Variants in ABCC10 observed in about 807,000 individuals in gnomAD.
ABCC10 encodes ATP-binding cassette sub-family C member 10.
A neutral mutation model predicts 143.2 loss-of-function variants in ABCC10; 110 were observed. That is an observed-to-expected ratio of 0.77 (90% CI 0.66 to 0.90). The LOEUF (loss-of-function observed/expected upper bound fraction) is 0.90. Ranked by LOEUF, ABCC10 falls within the 40% of genes least tolerant of loss-of-function variation. ABCC10 has a pLI of 0.00. For missense variants in ABCC10, 1,700 were observed against 1,900.5 expected (o/e 0.89, Z 1.96); for synonymous variants, 805 against 846.7 (o/e 0.95, Z 0.85).
At position 43,449,921 on chromosome 6, in the gene ABCC10, C is replaced by A. The variant is rs761877191; in HGVS notation, c.4317-8C>A. On this transcript the variant is annotated splice_polypyrimidine_tract_variant and splice_region_variant and intron_variant, in intron 21 of 21. Transcript: ENST00000372530. The stretch of plus-strand genomic sequence containing the variant: ...CATCCCCTACACTGACCATCTTCCC[C>A]CTCACAGGCTCAACACGATCCTGAA... 1.9e-6 allele frequency: 3 copies of A among 1,613,870 alleles called. No individual in the cohort carries two copies. The African/African-American group carries it at 4.0e-5, about 22-fold the overall frequency.
At chr6:43,438,070 C>T in intron 7 of ABCC10, 57 bp downstream of exon 7, 1 of 1,550,178 alleles carries the variant, frequency 6.5e-7, no homozygotes, top group African/African-American at 1.4e-5. Context: ...AACACTGAGC[C>T]CCTCTTATGT....
chr6:43,449,954 C>G lies in ABCC10; in HGVS notation c.4342C>G (p.Arg1448Gly). 3.1e-6 allele frequency: 5 copies of G among 1,614,042 alleles called. No individual in the cohort carries two copies. Among genetic ancestry groups the G allele is most frequent in the Non-Finnish European group, 4.2e-6 (5 of 1,179,994 alleles). ...GCTCAACACGATCCTGAACTCAGACCGGGTGCTGGTGCTACAAGCGGGGAG... is the reference window on the plus strand; with the variant it reads ...GCTCAACACGATCCTGAACTCAGACGGGGTGCTGGTGCTACAAGCGGGGAG... ...HRLNTILNSDRVLVLQAGRVV... is the reference protein window; with the variant it reads ...HRLNTILNSDGVLVLQAGRVV... The change falls in exon 22 of 22, where the codon CGG becomes GGG. Residue 1448 changes from arginine to glycine, a missense_variant. By Grantham distance (125) the Arg-to-Gly change is moderately radical. Transcript: ENST00000372530.
At chr6:43,437,379 CTT>C (rs61260609) in intron 6 of ABCC10, among the ~76,000 whole-genome samples, 43 of 135,440 alleles carry the variant, frequency 3.2e-4, no homozygotes, top group Non-Finnish European at 3.2e-4. Context: ...GGAACTAGGA[CTT>C]TTTTTTTTTT....
chr6:43,441,288 T>C (rs994061333), intron 8 of ABCC10, among the ~76,000 whole-genome samples: 4 of 151,710 alleles, frequency 2.6e-5, no homozygotes, highest in Admixed American at 6.6e-5. Flanking sequence ...CCATCCTGGC[T>C]AACATGGTGA....
At chr6:43,444,979 G>A (rs1339393659) in intron 13 of ABCC10, 41 bp downstream of exon 13, 1 of 1,589,588 alleles carries the variant, frequency 6.3e-7, no homozygotes, top group Non-Finnish European at 8.6e-7. Context: ...TGCTCTCAGA[G>A]TGGTCGCCAG....
intron 21 of ABCC10, 83 bp from the exon 22 acceptor site, chr6:43,449,846 G>A: frequency 6.7e-7 from 1 of 1,500,798 alleles, no homozygotes; most frequent in Non-Finnish European, 9.1e-7. Context: ...GGTGTCCCGA[G>A]GGGAGAGGAG....
At chr6:43,451,204 A>G (rs763014128), downstream of ABCC10, 2 of 1,614,198 alleles carry the variant, frequency 1.2e-6, no homozygotes, top group Admixed American at 3.3e-5. The surrounding 1 kb of genome is among the most constrained non-coding windows in gnomAD (Gnocchi z 4.4). Flanking sequence ...AAGCCCACCA[A>G]GCAGCGGCAC....
intron 8 of ABCC10, 57 bp downstream of exon 8, chr6:43,438,852 C>G: frequency 6.3e-7 from 1 of 1,583,942 alleles, no homozygotes; most frequent in Non-Finnish European, 8.6e-7. Context: ...TCCCTGACAC[C>G]TCAAACCAGG....
At chr6:43,438,134 T>G (rs1554203888) in intron 7 of ABCC10, 121 bp downstream of exon 7, 2 of 1,141,460 alleles carry the variant, frequency 1.8e-6, no homozygotes, top group Non-Finnish European at 2.5e-6. Context: ...CATGGTCCCT[T>G]TATTGGGAGA....
chr6:43,432,745 G>C lies in ABCC10; in HGVS notation c.765G>C (p.Gln255His). Residue 255 changes from glutamine (Q) to histidine (H), a missense_variant, in exon 3 of 22, where the codon CAG becomes CAC. Physicochemically the swap from Gln to His is conservative, Grantham distance 24. Coordinates refer to ENST00000372530, the MANE Select transcript of ABCC10 (RefSeq NM_001198934.2). ...TTTGCCGCCTCCCCCACAGACTGCA[G>C]CCAACCTACCTGGCTCGTGTCTTCC... ...QDICRLPHRL[Q>H]PTYLARVFQA... 6.2e-7 allele frequency: 1 copy of C among 1,614,180 alleles called. No individual in the cohort carries two copies. Among genetic ancestry groups the C allele is most frequent in the Non-Finnish European group, 8.5e-7 (1 of 1,180,020 alleles).
At position 43,441,965 on chromosome 6, in the gene ABCC10, G is replaced by T. The variant is rs200796361; in HGVS notation, c.2226+5G>T. The T allele has an allele frequency of 6.2e-7, 1 of 1,613,238 alleles. No individual in the cohort carries two copies. Among genetic ancestry groups the T allele is most frequent in the African/African-American group, 1.3e-5 (1 of 75,046 alleles). Reference sequence around the variant, plus strand: ...CTTGCTCGTGCTGTCTACCAGGTCAGTTAAAGATGGAGGTTGCAGTGGCAG... The same window carrying T: ...CTTGCTCGTGCTGTCTACCAGGTCATTTAAAGATGGAGGTTGCAGTGGCAG... On this transcript the variant is annotated splice_donor_5th_base_variant and intron_variant, in intron 9 of 21. Coordinates refer to ENST00000372530, the MANE Select transcript of ABCC10 (RefSeq NM_001198934.2).
chr6:43,450,152 A>G lies in ABCC10; in HGVS notation c.*61A>G. On this transcript the variant is annotated 3_prime_UTR_variant, in exon 22 of 22. Coordinates refer to ENST00000372530, the MANE Select transcript of ABCC10 (RefSeq NM_001198934.2). The surrounding 1 kb of genome is among the most constrained non-coding windows in gnomAD (Gnocchi z 4.5). The stretch of plus-strand genomic sequence containing the variant: ...TCTGATCCAGGCCGGGCCTATACAG[A>G]GGTGCTGGCTGCTTGTTTACATTCT... The G allele has an allele frequency of 6.6e-7, 1 of 1,507,282 alleles. No individual in the cohort carries two copies. Among genetic ancestry groups the G allele is most frequent in the Non-Finnish European group, 8.9e-7 (1 of 1,121,150 alleles). The allele number at this position is 1,507,282 out of a possible 1,614,324, so 93.4% of individuals were successfully genotyped here. A position where few individuals can be genotyped will look rare whatever the true frequency, so the allele number is the denominator to read the frequency against.
chr6:43,432,401 T>G lies in ABCC10; in HGVS notation c.421T>G (p.Leu141Val). 3 of 1,612,298 alleles carry G rather than the reference T, an allele frequency of 1.9e-6. No individual in the cohort carries two copies. Among genetic ancestry groups the G allele is most frequent in the Non-Finnish European group, 2.5e-6 (3 of 1,180,014 alleles). Residue 141 changes from leucine (L) to valine (V), a missense_variant, in exon 3 of 22, where the codon TTG becomes GTG. By Grantham distance (32) the Leu-to-Val change is conservative. Transcript: ENST00000372530. ...RGPLALALVA[L>V]LPAPALVLTV... Reference sequence around the variant, plus strand: ...TCCCTTGGCCTTGGCCCTGGTAGCCTTGCTGCCAGCTCCAGCCCTAGTGCT... The same window carrying G: ...TCCCTTGGCCTTGGCCCTGGTAGCCGTGCTGCCAGCTCCAGCCCTAGTGCT...
chr6:43,448,453 C>T (rs965612102), intron 18 of ABCC10, among the ~76,000 whole-genome samples: 6 of 152,194 alleles, frequency 3.9e-5, no homozygotes, highest in African/African-American at 1.2e-4. Flanking sequence ...TGTGGTGGCC[C>T]TACCTTATAG....
chr6:43,429,135 A>C (rs1405679543), intron 2 of ABCC10, among the ~76,000 whole-genome samples: 1 of 152,140 alleles, frequency 6.6e-6, no homozygotes, highest in Non-Finnish European at 1.5e-5. Flanking sequence ...TCGAGAATCT[A>C]AGACAGGAAA....
Position 43,427,578 on chromosome 6 carries a change from C to A in ABCC10, c.-191C>A. On this transcript the variant is annotated 5_prime_UTR_variant, in exon 1 of 22. Transcript: ENST00000372530. ...TGGCGAATAGCGCCGGCTAGGTCTT[C>A]CAACCTCTAGGTGGGGTGCCAGCCG... 3.2e-6 allele frequency: 1 copy of A among 309,612 alleles called. No homozygotes were observed. 19.2% of individuals were successfully genotyped at this position (309,612 alleles called of 1,614,324 possible).
chr6:43,445,005 TG>T (rs1389865609), intron 13 of ABCC10, 67 bp downstream of exon 13: 1 of 1,580,812 alleles, frequency 6.3e-7, no homozygotes, highest in African/African-American at 1.3e-5. Context: ...GAGTGAGGGT[TG>T]TGGCCGGTAT....
At position 43,443,657 on chromosome 6, in the gene ABCC10, C is replaced by T. The variant is rs1782713705; in HGVS notation, c.2417-276C>T. 8 of 428,938 alleles carry T rather than the reference C, an allele frequency of 1.9e-5. No individual in the cohort carries two copies. The highest frequency in any genetic ancestry group is 8.0e-5 in the East Asian group (2 of 24,950). The allele number at this position is 428,938 out of a possible 1,614,324, so 26.6% of individuals were successfully genotyped here. Reference sequence around the variant, plus strand: ...GACAGAGTGGCAGGCATAGCTCTGGCGGTCCTCTTGGGGATGGACATTCGT... The same window carrying T: ...GACAGAGTGGCAGGCATAGCTCTGGTGGTCCTCTTGGGGATGGACATTCGT... On this transcript the variant is annotated intron_variant, in intron 10 of 21. Transcript: ENST00000372530. The surrounding 1 kb of genome is among the most constrained non-coding windows in gnomAD (Gnocchi z 4.2).
chr6:43,440,079 C>G (rs1409874633), intron 8 of ABCC10, among the ~76,000 whole-genome samples: 1 of 152,080 alleles, frequency 6.6e-6, no homozygotes, highest in Admixed American at 6.6e-5. Flanking sequence ...GCCTCAGCCT[C>G]CTGAGTAGCT....
Sources: allele counts gnomAD v4.1 joint callset (sites outside exome capture counted in the v4.1 genomes callset), GRCh38; gene constraint gnomAD v4.1.1; non-coding constraint Gnocchi (gnomAD v3.1); transcripts MANE v1.5; gene names NCBI Gene and HGNC (gene_info 2026-07-23, HGNC 2026-07-21).